STAB2: variants seen among roughly 807,000 people sequenced by gnomAD.
STAB2 encodes stabilin 2.
A neutral mutation model predicts 338.1 loss-of-function variants in STAB2; 288 were observed. The ratio of observed to expected loss-of-function variants is 0.85; its 90% CI spans 0.77 to 0.94. The LOEUF (loss-of-function observed/expected upper bound fraction) is 0.94. STAB2 is among the 40% of genes least tolerant of loss of function. The pLI, the probability that STAB2 is intolerant of heterozygous loss-of-function variation, is 0.00. For synonymous variants in STAB2, 1,202 were observed against 1,193.3 expected, an observed-to-expected ratio of 1.01 and a Z score of -0.15; for missense variants, 3,141 against 3,210.1, an observed-to-expected ratio of 0.98 and a Z score of 0.52.
intron 24 of STAB2, among the ~76,000 whole-genome samples, chr12:103,676,986 A>G (rs1876437074): frequency 2.0e-5 from 3 of 151,996 alleles, no homozygotes; most frequent in Admixed American, 2.0e-4. Context: ...CGTATCTTGT[A>G]TCCCTCTCTC....
intron 18 of STAB2, among the ~76,000 whole-genome samples, chr12:103,665,383 C>G (rs987751387): frequency 6.6e-6 from 1 of 152,134 alleles, no homozygotes; most frequent in Non-Finnish European, 1.5e-5. Flanking sequence ...TGAGATGATC[C>G]AAACGAAGAG....
chr12:103,602,695 T>C (rs1956971029), intron 3 of STAB2, among the ~76,000 whole-genome samples: 1 of 152,230 alleles, frequency 6.6e-6, no homozygotes. Flanking sequence ...TTTTAACCCA[T>C]TTTAATTTGC....
At chr12:103,666,626 T>C (rs1434364148) in intron 19 of STAB2, among the ~76,000 whole-genome samples, 5 of 152,224 alleles carry the variant, frequency 3.3e-5, no homozygotes, top group African/African-American at 1.2e-4. Flanking sequence ...TAGATAAAAA[T>C]TGAAGCACAA....
At chr12:103,650,938 C>A (rs1217372425) in intron 11 of STAB2, among the ~76,000 whole-genome samples, 1 of 152,178 alleles carries the variant, frequency 6.6e-6, no homozygotes, top group Non-Finnish European at 1.5e-5. Flanking sequence ...TAAAGCAAAA[C>A]TGCTCACTTC....
At chr12:103,723,561 A>G (rs931530) in intron 44 of STAB2, among the ~76,000 whole-genome samples, 5,827 of 152,316 alleles carry the variant, frequency 0.038, 177 homozygotes, top group African/African-American at 0.077. Flanking sequence ...AGAGAGGGAA[A>G]TTAAATGTAC....
At chr12:103,627,003 T>A (rs1379556982) in intron 5 of STAB2, among the ~76,000 whole-genome samples, 1 of 152,142 alleles carries the variant, frequency 6.6e-6, no homozygotes, top group Non-Finnish European at 1.5e-5. Flanking sequence ...GAGTCACTAG[T>A]ATTTGCTGGG....
chr12:103,713,589 A>C, intron 41 of STAB2, 54 bp from the exon 42 acceptor site: 1 of 1,602,846 alleles, frequency 6.2e-7, no homozygotes, highest in East Asian at 2.2e-5. Flanking sequence ...GGAAAAATAC[A>C]TCAATGGCTT....
intron 1 of STAB2, 21 bp from the exon 2 acceptor site, chr12:103,590,875 CT>C (rs760999818): frequency 2.5e-6 from 4 of 1,613,022 alleles, no homozygotes; most frequent in East Asian, 4.5e-5. Context: ...AATTAATGTT[CT>C]TTTTTTTAAT....
Position 103,593,479 on chromosome 12 carries a change from T to A in STAB2, c.216-916T>A, listed in dbSNP as rs35487845. ...GCCACTTGTATTCTTTCAAAATTAG[T>A]TCCTGAAGGGATATTTGGTCCTGCC... is the stretch of plus-strand genomic sequence containing the variant. On this transcript the variant is annotated intron_variant, in intron 2 of 68. Transcript: ENST00000388887. Among the ~76,000 whole-genome samples, 313 of 152,344 alleles carry A rather than the reference T, an allele frequency of 2.1e-3. 2 individuals carry two copies. Among genetic ancestry groups the A allele is most frequent in the African/African-American group, 7.2e-3 (301 of 41,592 alleles).
At chr12:103,675,609 G>A (rs1876262412) in intron 23 of STAB2, among the ~76,000 whole-genome samples, 1 of 152,264 alleles carries the variant, frequency 6.6e-6, no homozygotes, top group Non-Finnish European at 1.5e-5. Flanking sequence ...AACGCTCAGT[G>A]TGCATTTGCT....
chr12:103,666,184 A>G (rs1875079756), intron 18 of STAB2, 107 bp from the exon 19 acceptor site: 3 of 1,090,132 alleles, frequency 2.8e-6, no homozygotes, highest in Non-Finnish European at 4.2e-6. Flanking sequence ...ATCATGGCTC[A>G]GTGGGGTTTC....
chr12:103,666,189 G>A (rs886119876), intron 18 of STAB2, 102 bp from the exon 19 acceptor site: 8 of 1,146,390 alleles, frequency 7.0e-6, no homozygotes, highest in Admixed American at 5.2e-5. Context: ...GGCTCAGTGG[G>A]GTTTCCTTCA....
chr12:103,664,010 G>A (rs703635), intron 18 of STAB2, among the ~76,000 whole-genome samples: 23,304 of 152,100 alleles, frequency 0.15, 1,836 homozygotes, highest in East Asian at 0.2. Context: ...CCAATCAACC[G>A]TCTTTCTGCA....
intron 9 of STAB2, among the ~76,000 whole-genome samples, chr12:103,645,232 A>C (rs1873243053): frequency 6.6e-6 from 1 of 152,256 alleles, no homozygotes; most frequent in African/African-American, 2.4e-5. Flanking sequence ...ACAATTTCCT[A>C]AAGAGGTGAT....
At position 103,640,232 on chromosome 12, in the gene STAB2, C is replaced by T. The variant is rs369631239; in HGVS notation, c.1016C>T (p.Thr339Ile). Residue 339 changes from threonine to isoleucine, a missense_variant, in exon 9 of 69, where the codon ACC (threonine) becomes ATC (isoleucine). By Grantham distance (89) the Thr-to-Ile change is moderately conservative. Coordinates refer to ENST00000388887, the MANE Select transcript of STAB2 (RefSeq NM_017564.10). Reference sequence around the variant, plus strand: ...CCGTGTCATAGGAATGCAAATTGCACCACCGTCGCACCAGGCCGAACTGAG... The same window carrying T: ...CCGTGTCATAGGAATGCAAATTGCATCACCGTCGCACCAGGCCGAACTGAG... ...DNPCHRNANCTTVAPGRTECI... is the reference protein window; with the variant it reads ...DNPCHRNANCITVAPGRTECI... 2.2e-5 allele frequency: 36 copies of T among 1,613,366 alleles called. No individual in the cohort carries two copies. Among genetic ancestry groups the T allele is most frequent in the Non-Finnish European group, 2.8e-5 (33 of 1,179,608 alleles).
chr12:103,735,405 A>G, intron 51 of STAB2, 86 bp from the exon 52 acceptor site: 1 of 837,684 alleles, frequency 1.2e-6, no homozygotes, highest in South Asian at 2.0e-5. Context: ...TTTGCATCTG[A>G]ATTTGGTTTT....
rs772003649 is a variant in STAB2, at chr12:103,742,426, C to A, written c.5903C>A (p.Ala1968Asp). 1.1e-4 allele frequency: 183 copies of A among 1,614,022 alleles called. No homozygotes were observed. The highest frequency in any genetic ancestry group is 1.5e-4 in the Non-Finnish European group (175 of 1,180,012). ...CCAGCCTGCCCTGGAGGACCAGATG[C>A]CCCGTGTAATAACCGGGGTGTCTGC... The part of the protein sequence containing the change: ...DCQACPGGPD[A>D]PCNNRGVCLD... Residue 1968 changes from alanine (A) to aspartate (D), a missense_variant, in exon 56 of 69, where the codon GCC becomes GAC. Ala to Asp is a moderately radical substitution (Grantham distance 126). Coordinates refer to ENST00000388887, the MANE Select transcript of STAB2 (RefSeq NM_017564.10).
At chr12:103,683,090 T>C in intron 25 of STAB2, 115 bp from the exon 26 acceptor site, 1 of 798,620 alleles carries the variant, frequency 1.3e-6, no homozygotes, top group Non-Finnish European at 2.0e-6. Context: ...CACTGTTCTC[T>C]GGGACAGCCA....
intron 3 of STAB2, among the ~76,000 whole-genome samples, chr12:103,610,146 A>C (rs11503253): frequency 0.32 from 47,611 of 150,190 alleles, 9,610 homozygotes; most frequent in African/African-American, 0.58. Context: ...GTCTAAAATT[A>C]TCTTTTTTGG....
Sources: gnomAD v4.1 joint callset for allele counts (sites outside exome capture counted in the v4.1 genomes callset) on GRCh38, gnomAD v4.1.1 for gene constraint, MANE v1.5 for transcripts, NCBI Gene and HGNC (gene_info 2026-07-23, HGNC 2026-07-21) for gene names.